Variants in CTDSP1 observed in about 807,000 individuals in gnomAD.
The protein encoded by CTDSP1 is CTD small phosphatase 1, also known as carboxy-terminal domain RNA polymerase II polypeptide A small phosphatase 1.
A neutral mutation model predicts 32.5 loss-of-function variants in CTDSP1; 15 were observed. That is an observed-to-expected ratio of 0.46 (90% CI 0.31 to 0.71). The LOEUF (loss-of-function observed/expected upper bound fraction) is 0.71. CTDSP1 is among the 30% of genes least tolerant of loss of function. The probability of loss-of-function intolerance (pLI) is 0.05; values close to 1 mark genes in which losing one functional copy is unlikely to be tolerated. For missense variants in CTDSP1, 294 were observed against 351.1 expected (o/e 0.84, Z 1.30); for synonymous variants, 185 against 145.4 (o/e 1.27, Z -1.96).
Position 218,401,573 on chromosome 2 carries a change from A to G in CTDSP1, c.77A>G (p.Lys26Arg), listed in dbSNP as rs1276613921. 1.2e-6 allele frequency: 2 copies of G among 1,613,838 alleles called. No individual in the cohort carries two copies. Among genetic ancestry groups the G allele is most frequent in the African/African-American group, 2.7e-5 (2 of 74,946 alleles). ...TGCCTCCCTACTTCAGGTGACCAGAAGTCAGCAGCTTCCCAGAAGCCCCGA... is the reference window on the plus strand; with the variant it reads ...TGCCTCCCTACTTCAGGTGACCAGAGGTCAGCAGCTTCCCAGAAGCCCCGA... The part of the protein sequence containing the change: ...RGPLRGKGDQ[K>R]SAASQKPRSR... The change falls in exon 2 of 7, where the codon AAG (lysine) becomes AGG (arginine). Residue 26 changes from lysine to arginine, a missense_variant. This residue lies in a region of CTDSP1 where 148 missense variants were observed against 113.3 expected (regional missense o/e 1.31). Coordinates refer to ENST00000273062, the MANE Select transcript of CTDSP1 (RefSeq NM_021198.3).
At position 218,401,700 on chromosome 2, in the gene CTDSP1, C is replaced by A. The variant is rs2227251; in HGVS notation, c.204C>A (p.Gly68=). Residue 68 remains glycine, a synonymous_variant, in exon 2 of 7, where the codon GGC becomes GGA. Transcript: ENST00000273062. Reference sequence around the variant, plus strand: ...CGCCCCTGCTTGTGGAGGAGAATGGCGCCATCCCTAAGGTGCGTGGGGGCC... The same window carrying A: ...CGCCCCTGCTTGTGGAGGAGAATGGAGCCATCCCTAAGGTGCGTGGGGGCC... ...SGAPLLVEEN[G]AIPKQTPVQY... The A allele has an allele frequency of 0.27, 424,863 of 1,587,302 alleles. 59,235 individuals are homozygous for A. The highest frequency in any genetic ancestry group is 0.29 in the Non-Finnish European group (336,308 of 1,166,496).
At chr2:218,403,493 C>T (rs1156768803) in intron 6 of CTDSP1, 76 bp downstream of exon 6, 3 of 1,366,690 alleles carry the variant, frequency 2.2e-6, no homozygotes, top group South Asian at 2.8e-5. Context: ...GCCACCTTGG[C>T]CTCTTGGATC....
In CTDSP1 at chr2:218,402,366, CTT is replaced by C. The variant is rs1697190206; in HGVS notation, c.340_341del (p.Phe114HisfsTer7). ...CCCCACAGCCAGTGAACAACGCGGA[CTT>C]CATCATCCCTGTGGAGATTGATGGG... ...SSFKPVNNAD[F>X]IIPVEIDGVV... is the part of the protein sequence containing the mutation. On this transcript the variant is annotated frameshift_variant, in exon 4 of 7. Transcript: ENST00000273062. LOFTEE classifies it high-confidence loss of function. The C allele has an allele frequency of 6.2e-7, 1 of 1,613,496 alleles. No individual in the cohort carries two copies. The highest frequency in any genetic ancestry group is 8.5e-7 in the Non-Finnish European group (1 of 1,179,732).
Position 218,400,256 on chromosome 2 carries a change from G to A in CTDSP1, c.67+99G>A, listed in dbSNP as rs985335025. 4 of 1,153,530 alleles carry A rather than the reference G, an allele frequency of 3.5e-6. No individual in the cohort carries two copies. In the African/African-American group the frequency reaches 6.3e-5, roughly 18 times the overall value. 71.5% of individuals were successfully genotyped at this position (1,153,530 alleles called of 1,614,324 possible). On this transcript the variant is annotated intron_variant, in intron 1 of 6. Coordinates refer to ENST00000273062, the MANE Select transcript of CTDSP1 (RefSeq NM_021198.3). ...GGGAGCCGCCGCCGCCGCCCCGGGC[G>A]GCCGCCTTAGCTGTGCCCGAAGCTC...
At chr2:218,396,887 C>T (rs1696816949), upstream of CTDSP1, 1 of 152,456 alleles carries the variant, frequency 6.6e-6, no homozygotes, top group Admixed American at 6.5e-5. Context: ...GATGTCAGTT[C>T]TCAAGGACCC....
upstream of CTDSP1, chr2:218,398,551 C>A (rs1696939060): frequency 8.7e-7 from 1 of 1,145,284 alleles, no homozygotes; most frequent in Non-Finnish European, 1.2e-6. Flanking sequence ...CGCCTTCTGG[C>A]AGACGCCGCT....
intron 4 of CTDSP1, 21 bp downstream of exon 4, chr2:218,402,426 G>C (rs769923230): frequency 1.2e-6 from 2 of 1,600,532 alleles, no homozygotes; most frequent in Admixed American, 1.7e-5. Context: ...GGAAGAGGCA[G>C]TGGTGGGCTT....
At chr2:218,400,463 C>A (rs752258143) in intron 1 of CTDSP1, 14 of 478,862 alleles carry the variant, frequency 2.9e-5, no homozygotes, top group African/African-American at 1.6e-4. Flanking sequence ...CGCCCCCCCA[C>A]CATTGGCGCC....
chr2:218,400,284 A>G (rs1697047628), intron 1 of CTDSP1, 127 bp downstream of exon 1: 3 of 831,664 alleles, frequency 3.6e-6, no homozygotes, highest in South Asian at 1.5e-5. Flanking sequence ...CGAAGCTCCC[A>G]GCCCGAGAGG....
At chr2:218,398,150 C>G (rs1696916905), upstream of CTDSP1, 1 of 520,618 alleles carries the variant, frequency 1.9e-6, no homozygotes, top group South Asian at 2.1e-5. Context: ...ATGAGGGCCC[C>G]GCATCCGGAG....
intron 1 of CTDSP1, 126 bp downstream of exon 1, chr2:218,400,283 C>T (rs1255902178): frequency 5.8e-6 from 5 of 854,704 alleles, no homozygotes; most frequent in East Asian, 5.4e-5. Flanking sequence ...CCGAAGCTCC[C>T]AGCCCGAGAG....
intron 1 of CTDSP1, chr2:218,401,306 C>A: frequency 1.8e-6 from 1 of 549,728 alleles, no homozygotes. Flanking sequence ...CCAGGACCTC[C>A]TTCTCCAGGC....
chr2:218,398,753 CATT>C, upstream of CTDSP1: 1 of 268,698 alleles, frequency 3.7e-6, no homozygotes, highest in Non-Finnish European at 7.0e-6. Flanking sequence ...TCGGGCTTGG[CATT>C]ATTAATTTTT....
intron 1 of CTDSP1, chr2:218,401,150 G>A: frequency 3.0e-5 from 11 of 364,026 alleles, no homozygotes; most frequent in South Asian, 2.2e-4. Flanking sequence ...TGGAGAGGAT[G>A]GAGGGAGGGC....
chr2:218,398,685 G>C, upstream of CTDSP1: 1 of 335,118 alleles, frequency 3.0e-6, no homozygotes, highest in Non-Finnish European at 5.4e-6. Context: ...CGCCCGCCCC[G>C]CCCCGCCACG....
chr2:218,401,568 C>G lies in CTDSP1; in HGVS notation c.72C>G (p.Asp24Glu), dbSNP rs565070665. ...EARGPLRGKG[D>E]QKSAASQKPR... ...ACTTGTGCCTCCCTACTTCAGGTGA[C>G]CAGAAGTCAGCAGCTTCCCAGAAGC... Residue 24 changes from aspartate to glutamate, a missense_variant, in exon 2 of 7, where the codon GAC becomes GAG. Asp to Glu is a conservative substitution (Grantham distance 45). Transcript: ENST00000273062. 2.5e-6 allele frequency: 4 copies of G among 1,613,904 alleles called. No homozygotes were observed. In the South Asian group the frequency reaches 3.3e-5, roughly 13 times the overall value.
rs780862243 is a variant in CTDSP1, at chr2:218,400,105, C to G, written c.15C>G (p.Ala5=). Reference sequence around the variant, plus strand: ...CGCCCGGCCCCATGGACAGCTCGGCCGTCATTACTCAGATCAGCAAGGAGG... The same window carrying G: ...CGCCCGGCCCCATGGACAGCTCGGCGGTCATTACTCAGATCAGCAAGGAGG... The part of the protein sequence containing the change: MDSS[A]VITQISKEEA... Residue 5 remains alanine, a synonymous_variant, in exon 1 of 7, where the codon GCC becomes GCG. Coordinates refer to ENST00000273062, the MANE Select transcript of CTDSP1 (RefSeq NM_021198.3). 6 of 1,537,256 alleles carry G rather than the reference C, an allele frequency of 3.9e-6. No homozygotes were observed. The highest frequency in any genetic ancestry group is 2.0e-4 in the Middle Eastern group (1 of 5,116).
chr2:218,404,220 G>T (rs1432609717), intron 6 of CTDSP1, 77 bp from the exon 7 acceptor site: 17 of 1,553,202 alleles, frequency 1.1e-5, no homozygotes, highest in Non-Finnish European at 1.4e-5. Context: ...TCTGAGTAGT[G>T]GCTACATAGG....
chr2:218,404,372 A>T lies in CTDSP1; in HGVS notation c.733A>T (p.Ser245Cys), dbSNP rs1002567339. ...CCTCCTCCCCTTCTTCGAGCAACTC[A>T]GCCGTGTGGACGACGTGTACTCAGT... The part of the protein sequence containing the change: ...HDLLPFFEQL[S>C]RVDDVYSVLR... Residue 245 changes from serine (S) to cysteine (C), a missense_variant, in exon 7 of 7, where the codon AGC (serine) becomes TGC (cysteine). Transcript: ENST00000273062. 6.2e-7 allele frequency: 1 copy of T among 1,613,742 alleles called. No homozygotes were observed. The highest frequency in any genetic ancestry group is 2.2e-5 in the East Asian group (1 of 44,870).
Sources: gnomAD v4.1 joint callset for allele counts on GRCh38, gnomAD v4.1.1 for gene constraint, gnomAD v4.1.1 regional missense constraint, MANE v1.5 for transcripts, NCBI Gene and HGNC (gene_info 2026-07-23, HGNC 2026-07-21) for gene names.